The following CCDC73 variants were observed in gnomAD, a reference collection of about 807,000 sequenced individuals.
The protein encoded by CCDC73 is coiled-coil domain containing 73.
Under a neutral mutation model 116.5 loss-of-function variants are expected in CCDC73, and 95 were observed. The ratio of observed to expected loss-of-function variants is 0.82; its 90% CI spans 0.69 to 0.97. The LOEUF is 0.97. Among genes scored for constraint, CCDC73 ranks in the 50% least tolerant of loss-of-function variants. The pLI, the probability that CCDC73 is intolerant of heterozygous loss-of-function variation, is 0.00. For missense variants in CCDC73, 1,066 were observed against 1,206.8 expected (o/e 0.88, Z 1.73); for synonymous variants, 398 against 401.3 (o/e 0.99, Z 0.10).
chr11:32,765,182 C>T (rs1180662493), intron 1 of CCDC73, among the ~76,000 whole-genome samples: 3 of 152,184 alleles, frequency 2.0e-5, no homozygotes, highest in Non-Finnish European at 2.9e-5. Flanking sequence ...TTAACACCCC[C>T]ACTGTCAACA....
the CCDC73 span, among the ~76,000 whole-genome samples, chr11:32,801,523 C>T: frequency 1.3e-5 from 2 of 152,196 alleles, no homozygotes; most frequent in South Asian, 4.2e-4. Flanking sequence ...CACCTGTAGT[C>T]CCAGCTACTT....
chr11:32,764,300 A>T (rs974648225), intron 1 of CCDC73, among the ~76,000 whole-genome samples: 6 of 152,200 alleles, frequency 3.9e-5, no homozygotes, highest in Non-Finnish European at 7.3e-5. Flanking sequence ...CAACTCCAAG[A>T]CACATAATTG....
At chr11:32,705,850 T>A (rs1031760564) in intron 3 of CCDC73, among the ~76,000 whole-genome samples, 1 of 152,218 alleles carries the variant, frequency 6.6e-6, no homozygotes, top group Admixed American at 6.5e-5. Context: ...TACACTGTTA[T>A]GACTATGTAA....
chr11:32,637,011 CTTTTTCTTT>C (rs1242737980), intron 13 of CCDC73, among the ~76,000 whole-genome samples: 64 of 62,362 alleles, frequency 1.0e-3, no homozygotes, highest in Admixed American at 7.0e-3. Flanking sequence ...TTCACTTTTT[CTTTTTCTTT>C]TTTTTTTTTT....
intron 2 of CCDC73, among the ~76,000 whole-genome samples, chr11:32,737,875 T>C (rs927058650): frequency 2.0e-5 from 3 of 152,060 alleles, no homozygotes; most frequent in Non-Finnish European, 4.4e-5. Context: ...GTAACCATCA[T>C]TCTACTCTCT....
At chr11:32,603,851 G>A (rs1377611811) in intron 17 of CCDC73, 2 of 152,242 alleles carry the variant, frequency 1.3e-5, no homozygotes, top group African/African-American at 4.8e-5. Flanking sequence ...GAGGCGAGTG[G>A]ATTGCATGAG....
intron 14 of CCDC73, among the ~76,000 whole-genome samples, chr11:32,631,588 GGAAGGAAA>G (rs1855630667): frequency 6.7e-6 from 1 of 149,456 alleles, no homozygotes; most frequent in Non-Finnish European, 1.5e-5. Flanking sequence ...AGGAAGGAAA[GGAAGGAAA>G]GGAAGGAAAG....
chr11:32,671,689 A>C (rs1475750674), intron 9 of CCDC73, among the ~76,000 whole-genome samples: 2 of 152,236 alleles, frequency 1.3e-5, no homozygotes, highest in Non-Finnish European at 2.9e-5. Flanking sequence ...CTGAATATGT[A>C]TTTTAAAATT....
At chr11:32,773,811 G>A (rs969689616) in intron 1 of CCDC73, among the ~76,000 whole-genome samples, 1 of 151,848 alleles carries the variant, frequency 6.6e-6, no homozygotes, top group African/African-American at 2.4e-5. Flanking sequence ...AGCACTGAGG[G>A]AGGGCTTATT....
At chr11:32,653,018 A>T (rs796292647) in intron 12 of CCDC73, 105 bp downstream of exon 12, 3 of 618,842 alleles carry the variant, frequency 4.8e-6, no homozygotes, top group African/African-American at 3.7e-5. Context: ...ATTCAAAATA[A>T]TCTCAATAAA....
At chr11:32,830,305 G>A in the CCDC73 span, 1 of 838,500 alleles carries the variant, frequency 1.2e-6, no homozygotes, top group Non-Finnish European at 1.6e-6. Context: ...GCCCTCGGCA[G>A]GGTCACTGGG....
intron 17 of CCDC73, among the ~76,000 whole-genome samples, chr11:32,608,627 TCTC>T (rs1398004808): frequency 1.3e-5 from 2 of 152,112 alleles, no homozygotes; most frequent in Non-Finnish European, 2.9e-5. Context: ...GTGGCCCTCT[TCTC>T]ATAGCTCCAC....
intron 9 of CCDC73, among the ~76,000 whole-genome samples, chr11:32,661,369 C>T (rs187381345): frequency 1.3e-5 from 2 of 152,106 alleles, no homozygotes; most frequent in African/African-American, 4.8e-5. Flanking sequence ...GTAACGTATG[C>T]ATACATGTGC....
intron 9 of CCDC73, among the ~76,000 whole-genome samples, chr11:32,672,280 T>G (rs1325925438): frequency 2.0e-5 from 3 of 152,114 alleles, no homozygotes; most frequent in African/African-American, 7.2e-5. Flanking sequence ...AGGCAGAGGT[T>G]GCAATGAGCC....
In CCDC73 at chr11:32,614,940, A is replaced by G; in HGVS notation, c.1378T>C (p.Leu460=). The change falls in exon 16 of 18, where the codon TTA becomes CTA. Residue 460 remains leucine, a splice_region_variant and synonymous_variant. Coordinates refer to ENST00000335185, the MANE Select transcript of CCDC73 (RefSeq NM_001008391.4). ...SFIEEIIIDD[L]QLFEKSFKNE... ...TTGAAGCTTTTTTCAAAAAGCTGTA[A>G]ATCTGTCATGATGGGAACACAGTAA... 1 of 1,592,206 alleles carries G rather than the reference A, an allele frequency of 6.3e-7. No individual in the cohort carries two copies. The highest frequency in any genetic ancestry group is 8.5e-7 in the Non-Finnish European group (1 of 1,171,278).
intron 1 of CCDC73, among the ~76,000 whole-genome samples, chr11:32,768,436 C>T (rs1015865566): frequency 6.6e-6 from 1 of 151,536 alleles, no homozygotes; most frequent in Non-Finnish European, 1.5e-5. Context: ...CAAACCTGCA[C>T]GTTGTGCACA....
the CCDC73 span, among the ~76,000 whole-genome samples, chr11:32,802,400 TCA>T: frequency 5.3e-5 from 8 of 152,222 alleles, no homozygotes; most frequent in East Asian, 1.9e-4. Flanking sequence ...TTCTCATCCC[TCA>T]GAGTCTTCAT....
chr11:32,764,350 G>C (rs1170595787), intron 1 of CCDC73, among the ~76,000 whole-genome samples: 1 of 152,142 alleles, frequency 6.6e-6, no homozygotes, highest in Non-Finnish European at 1.5e-5. Flanking sequence ...AAAATGTTAA[G>C]GGCAGCCAGA....
At chr11:32,624,559 T>A (rs997098836) in intron 14 of CCDC73, among the ~76,000 whole-genome samples, 1 of 152,032 alleles carries the variant, frequency 6.6e-6, no homozygotes, top group Non-Finnish European at 1.5e-5. Context: ...CTTAGAAAGA[T>A]ATCCACTATT....
Sources: gnomAD v4.1 joint callset for allele counts (sites outside exome capture counted in the v4.1 genomes callset) on GRCh38, gnomAD v4.1.1 for gene constraint, MANE v1.5 for transcripts, NCBI Gene and HGNC (gene_info 2026-07-23, HGNC 2026-07-21) for gene names.